Variants in SIAH3 observed in about 807,000 individuals in gnomAD.
SIAH3 encodes seven in absentia homolog 3.
In SIAH3, 9 loss-of-function variants were observed where a neutral mutation model predicts 12.6. The observed-to-expected ratio is 0.72, with a 90% CI of 0.43 to 1.25. SIAH3 has a LOEUF of 1.25. Among genes scored for constraint, SIAH3 ranks in the 50% most tolerant of loss-of-function variants. The pLI is 0.00. For synonymous variants in SIAH3, 154 were observed against 151.1 expected, an observed-to-expected ratio of 1.02 and a Z score of -0.14; for missense variants, 390 against 365.4, an observed-to-expected ratio of 1.07 and a Z score of -0.55.
chr13:45,792,222 G>T (rs1001449580), intron 1 of SIAH3, among the ~76,000 whole-genome samples: 1 of 152,166 alleles, frequency 6.6e-6, no homozygotes, highest in African/African-American at 2.4e-5. Context: ...TATAAGCAGA[G>T]CTTGAATGTG....
chr13:45,783,349 G>C lies in SIAH3; in HGVS notation c.*34C>G. 6.3e-7 allele frequency: 1 copy of C among 1,578,918 alleles called. No homozygotes were observed. The highest frequency in any genetic ancestry group is 2.3e-5 in the East Asian group (1 of 44,274). ...TGGGAGGTCCCAGGCGTTTCCTAGGGAGGCTGTGTGGGGAGCATCCGTGGC... is the reference window on the plus strand; with the variant it reads ...TGGGAGGTCCCAGGCGTTTCCTAGGCAGGCTGTGTGGGGAGCATCCGTGGC... On this transcript the variant is annotated 3_prime_UTR_variant, in exon 2 of 2. Coordinates refer to ENST00000400405, the MANE Select transcript of SIAH3 (RefSeq NM_198849.3).
rs146596113 is a variant in SIAH3, at chr13:45,801,815, C to G, written c.136-17758G>C. Among the ~76,000 whole-genome samples the G allele has an allele frequency of 2.2e-4, 33 of 152,242 alleles. No individual in the cohort carries two copies. In the East Asian group the frequency reaches 4.6e-3, roughly 21 times the overall value. ...TTACCTGGGCAATAACATCTGCTGG[C>G]TGATATTCTGCATGCTCCAGGCATT... On this transcript the variant is annotated intron_variant, in intron 1 of 1. Transcript: ENST00000400405.
chr13:45,837,040 G>A (rs2137580427), intron 1 of SIAH3, among the ~76,000 whole-genome samples: 1 of 152,324 alleles, frequency 6.6e-6, no homozygotes, highest in South Asian at 2.1e-4. Flanking sequence ...GCCTCCCAGT[G>A]AAGCTTCACA....
chr13:45,850,229 C>G (rs890949858), intron 1 of SIAH3, among the ~76,000 whole-genome samples: 1 of 152,090 alleles, frequency 6.6e-6, no homozygotes, highest in Non-Finnish European at 1.5e-5. Flanking sequence ...GGCATGTAAC[C>G]CCAGCAGCTC....
At chr13:45,850,391 G>C (rs1004580696) in intron 1 of SIAH3, among the ~76,000 whole-genome samples, 4 of 152,130 alleles carry the variant, frequency 2.6e-5, no homozygotes, top group Non-Finnish European at 5.9e-5. Flanking sequence ...GTGGTCAGAG[G>C]GACAGATCTA....
chr13:45,848,116 C>T (rs139500439), intron 1 of SIAH3, among the ~76,000 whole-genome samples: 1 of 152,146 alleles, frequency 6.6e-6, no homozygotes, highest in Non-Finnish European at 1.5e-5. Flanking sequence ...CAGGAGCAGG[C>T]GCCCTCATGA....
chr13:45,783,972 T>TGGC lies in SIAH3; in HGVS notation c.218_220dup (p.Cys73_His74insArg). ...GCGGAGGTGGTGGTGGTGGCGGTGGTGGCAGTGGTGGTGGGAGAGATGGTG... is the reference window on the plus strand; with the variant it reads ...GCGGAGGTGGTGGTGGTGGCGGTGGTGGCGGCAGTGGTGGTGGGAGAGATGGTG... On this transcript the variant is annotated inframe_insertion, in exon 2 of 2. Coordinates refer to ENST00000400405, the MANE Select transcript of SIAH3 (RefSeq NM_198849.3). 6.2e-7 allele frequency: 1 copy of TGGC among 1,604,536 alleles called. No homozygotes were observed. Among genetic ancestry groups the TGGC allele is most frequent in the Non-Finnish European group, 8.5e-7 (1 of 1,176,214 alleles).
intron 1 of SIAH3, among the ~76,000 whole-genome samples, chr13:45,844,428 A>C (rs1220712728): frequency 6.6e-6 from 1 of 152,154 alleles, no homozygotes; most frequent in African/African-American, 2.4e-5. Context: ...CAGAACCCCA[A>C]GCTCACCAGC....
At chr13:45,822,148 G>A (rs944561788) in intron 1 of SIAH3, among the ~76,000 whole-genome samples, 1 of 152,142 alleles carries the variant, frequency 6.6e-6, no homozygotes, top group African/African-American at 2.4e-5. Context: ...CCCTGAGACA[G>A]CTGGTGCAAC....
chr13:45,806,387 TAAAAGTG>T (rs997068162), intron 1 of SIAH3, among the ~76,000 whole-genome samples: 20 of 152,224 alleles, frequency 1.3e-4, no homozygotes, highest in South Asian at 2.1e-4. Context: ...TACACAGCCA[TAAAAGTG>T]AATCGAATTA....
At chr13:45,805,612 A>G (rs1436227353) in intron 1 of SIAH3, among the ~76,000 whole-genome samples, 1 of 152,216 alleles carries the variant, frequency 6.6e-6, no homozygotes, top group African/African-American at 2.4e-5. Flanking sequence ...TAAGACCTCA[A>G]ACTATAAAAA....
chr13:45,851,433 G>A (rs759137038), intron 1 of SIAH3, 62 bp downstream of exon 1: 97 of 1,599,102 alleles, frequency 6.1e-5, no homozygotes, highest in Non-Finnish European at 8.1e-5. Context: ...GAGGGTCGCT[G>A]CCGCCTCCGA....
intron 1 of SIAH3, among the ~76,000 whole-genome samples, chr13:45,827,710 G>A (rs1164533836): frequency 2.0e-5 from 3 of 152,152 alleles, no homozygotes; most frequent in Admixed American, 2.0e-4. Context: ...ATCAGGCTCT[G>A]ATTGATTCAG....
Position 45,778,541 on chromosome 13 carries a change from A to C in SIAH3, c.*4842T>G, listed in dbSNP as rs1488395661. The C allele has an allele frequency of 6.6e-6, 1 of 152,192 alleles. No individual in the cohort carries two copies. Among genetic ancestry groups the C allele is most frequent in the African/African-American group, 2.4e-5 (1 of 41,438 alleles). The allele number at this position is 152,192 out of a possible 1,614,324, so 9.4% of individuals were successfully genotyped here. ...CCAGAAGAGTTCGTGTTTCCCCAAC[A>C]ATTTGCTGTTCCGCTGGCTTGGCTG... is the stretch of plus-strand genomic sequence containing the variant. On this transcript the variant is annotated 3_prime_UTR_variant, in exon 2 of 2. Transcript: ENST00000400405.
intron 1 of SIAH3, among the ~76,000 whole-genome samples, chr13:45,788,925 C>T (rs138241015): frequency 1.8e-3 from 276 of 152,246 alleles, no homozygotes; most frequent in African/African-American, 5.9e-3. Flanking sequence ...GCAATGCTAT[C>T]GATGCATTTC....
At position 45,821,813 on chromosome 13, in the gene SIAH3, G is replaced by A. The variant is rs551685721; in HGVS notation, c.135+29682C>T. ...CAAGAGACAGTTTGTTGCTCAGCAC[G>A]TTGGGTAGGAAGAGAGAACAAGAAC... is the stretch of plus-strand genomic sequence containing the variant. On this transcript the variant is annotated intron_variant, in intron 1 of 1. Coordinates refer to ENST00000400405, the MANE Select transcript of SIAH3 (RefSeq NM_198849.3). 3.3e-5 allele frequency among the ~76,000 whole-genome samples: 5 copies of A among 152,282 alleles called. No individual in the cohort carries two copies. The East Asian group carries it at 5.8e-4, about 18-fold the overall frequency.
At chr13:45,839,444 T>C (rs1950731364) in intron 1 of SIAH3, among the ~76,000 whole-genome samples, 1 of 152,190 alleles carries the variant, frequency 6.6e-6, no homozygotes, top group Non-Finnish European at 1.5e-5. Flanking sequence ...AAAAACATGG[T>C]CATAGAGCAC....
chr13:45,784,015 G>A lies in SIAH3; in HGVS notation c.178C>T (p.Gln60Ter), dbSNP rs149135868. 5 of 1,603,150 alleles carry A rather than the reference G, an allele frequency of 3.1e-6. No homozygotes were observed. Among genetic ancestry groups the A allele is most frequent in the Non-Finnish European group, 3.4e-6 (4 of 1,174,802 alleles). The change falls in exon 2 of 2, where the codon CAA becomes TAA. Residue 60 changes from glutamine to a stop codon, truncating the protein, a stop_gained. Transcript: ENST00000400405. LOFTEE classifies it high-confidence loss of function. ...AGATGGTGAGGGTGGAAGCTGCCTT[G>A]CTCTGGAGCGCTCTGAGTGACGGCG... ...RRAVTQSAPE[Q>*]GSFHPHHLSH...
In SIAH3 at chr13:45,779,838, C is replaced by CAGCTA; in HGVS notation, c.*3544_*3545insTAGCT. On this transcript the variant is annotated 3_prime_UTR_variant, in exon 2 of 2. Transcript: ENST00000400405. ...TAGCCACAGCTAGTGATGGGGTTTA[C>CAGCTA]CAGGTACAGATTCATGCAGATACCA... The CAGCTA allele has an allele frequency of 2.0e-5, 3 of 152,298 alleles. No individual in the cohort carries two copies. Among genetic ancestry groups the CAGCTA allele is most frequent in the African/African-American group, 7.2e-5 (3 of 41,550 alleles). The allele number at this position is 152,298 out of a possible 1,614,324, so 9.4% of individuals were successfully genotyped here.
Sources: gnomAD v4.1 joint callset for allele counts (sites outside exome capture counted in the v4.1 genomes callset) on GRCh38, gnomAD v4.1.1 for gene constraint, MANE v1.5 for transcripts, NCBI Gene and HGNC (gene_info 2026-07-23, HGNC 2026-07-21) for gene names.